SGCZ: variants seen among roughly 807,000 people sequenced by gnomAD.
SGCZ encodes the protein sarcoglycan zeta.
SGCZ carries 40 observed loss-of-function variants against 41.3 expected under a neutral mutation model. That is an observed-to-expected ratio of 0.97 (90% CI 0.75 to 1.26). SGCZ has a LOEUF of 1.26. Ranked by LOEUF, SGCZ falls within the 50% of genes most tolerant of loss-of-function variation. SGCZ has a pLI of 0.00. For synonymous variants in SGCZ, 206 were observed against 137.5 expected (o/e 1.50, Z -3.49); for missense variants, 552 against 369.8 (o/e 1.49, Z -4.04).
At chr8:14,309,004 T>C (rs1484852143) in intron 3 of SGCZ, 2 of 1,028,444 alleles carry the variant, frequency 1.9e-6, no homozygotes, top group African/African-American at 1.6e-5. Context: ...GCACCCGGCC[T>C]CAGCCTCACT....
At chr8:14,667,902 G>C (rs1001922525) in intron 1 of SGCZ, among the ~76,000 whole-genome samples, 1 of 152,074 alleles carries the variant, frequency 6.6e-6, no homozygotes, top group Non-Finnish European at 1.5e-5. Context: ...TAGATACCTA[G>C]AGTTTACAAA....
chr8:14,155,958 T>C lies in SGCZ; in HGVS notation c.547+8622A>G, dbSNP rs111565856. Among the ~76,000 whole-genome samples the C allele has an allele frequency of 7.0e-3, 1,063 of 152,224 alleles. 12 individuals are homozygous for C. Among genetic ancestry groups the C allele is most frequent in the African/African-American group, 0.023 (972 of 41,524 alleles). ...TGTAACACAATGTTAAGTATTCGTA[T>C]ATCTAAACACAGAAAAGGTACAGTA... On this transcript the variant is annotated intron_variant, in intron 5 of 7. Transcript: ENST00000382080.
At chr8:15,146,010 T>C (rs1445287630) in intron 1 of SGCZ, among the ~76,000 whole-genome samples, 1 of 152,150 alleles carries the variant, frequency 6.6e-6, no homozygotes, top group African/African-American at 2.4e-5. Flanking sequence ...CTATCTGCTG[T>C]AAGCATCCCT....
At chr8:14,991,734 C>G (rs575713530) in intron 1 of SGCZ, among the ~76,000 whole-genome samples, 2 of 148,492 alleles carry the variant, frequency 1.3e-5, no homozygotes, top group East Asian at 4.2e-4. Flanking sequence ...TCCCTTAATA[C>G]TTACCTCTCA....
chr8:14,261,691 A>C (rs1799673964), intron 3 of SGCZ, among the ~76,000 whole-genome samples: 1 of 152,188 alleles, frequency 6.6e-6, no homozygotes, highest in Non-Finnish European at 1.5e-5. Flanking sequence ...AGCAATGTAA[A>C]GCTGAACAAA....
chr8:15,059,934 T>TGG (rs1804855442), intron 1 of SGCZ, among the ~76,000 whole-genome samples: 3 of 152,186 alleles, frequency 2.0e-5, no homozygotes, highest in Non-Finnish European at 4.4e-5. Flanking sequence ...AGAGAGGCAA[T>TGG]GTGTTCTGGC....
intron 1 of SGCZ, among the ~76,000 whole-genome samples, chr8:15,131,372 T>A (rs566042963): frequency 6.6e-6 from 1 of 152,324 alleles, no homozygotes; most frequent in Admixed American, 6.5e-5. Flanking sequence ...ATGTGAGACA[T>A]GCCTTTCACT....
At chr8:14,319,710 C>T (rs187726096) in intron 3 of SGCZ, among the ~76,000 whole-genome samples, 1 of 151,884 alleles carries the variant, frequency 6.6e-6, no homozygotes, top group Non-Finnish European at 1.5e-5. Flanking sequence ...ATTTGCAGAA[C>T]TGAATGTAAA....
intron 4 of SGCZ, among the ~76,000 whole-genome samples, chr8:14,168,180 C>A (rs1474166402): frequency 6.6e-6 from 1 of 152,018 alleles, no homozygotes; most frequent in Non-Finnish European, 1.5e-5. Flanking sequence ...AAAATTTCCA[C>A]AAGGAAAACA....
At chr8:14,644,960 A>AAG (rs1807158113) in intron 1 of SGCZ, among the ~76,000 whole-genome samples, 1 of 151,034 alleles carries the variant, frequency 6.6e-6, no homozygotes, top group African/African-American at 2.4e-5. Flanking sequence ...ATAAAAAAAA[A>AAG]AAGTCTCCAA....
intron 1 of SGCZ, among the ~76,000 whole-genome samples, chr8:15,145,207 T>C (rs747390487): frequency 6.6e-5 from 10 of 152,210 alleles, no homozygotes; most frequent in Non-Finnish European, 1.5e-4. Flanking sequence ...CCATGTTCAT[T>C]ATACATTCTC....
In SGCZ at chr8:14,795,840, G is replaced by A. The variant is rs374993842; in HGVS notation, c.40-240914C>T. On this transcript the variant is annotated intron_variant, in intron 1 of 7. Transcript: ENST00000382080. ...TTCCTCCTCCCACCCTCCACCCTCC[G>A]AAAGATCCCAGTGTGTGTTGTTCCC... Among the ~76,000 whole-genome samples, 313 of 152,002 alleles carry A rather than the reference G, an allele frequency of 2.1e-3. 1 individual carries two copies. The highest frequency in any genetic ancestry group is 3.4e-3 in the Non-Finnish European group (229 of 67,956).
chr8:15,071,930 C>G (rs1175425156), intron 1 of SGCZ, among the ~76,000 whole-genome samples: 3 of 152,172 alleles, frequency 2.0e-5, no homozygotes, highest in African/African-American at 7.2e-5. Flanking sequence ...TAGTCAGAGG[C>G]AGACAACTTC....
intron 3 of SGCZ, among the ~76,000 whole-genome samples, chr8:14,283,976 T>C (rs952349589): frequency 1.3e-5 from 2 of 152,268 alleles, no homozygotes; most frequent in African/African-American, 4.8e-5. Flanking sequence ...TTTCAACTTT[T>C]GTTTTATATA....
At chr8:14,690,073 C>T (rs751857367) in intron 1 of SGCZ, among the ~76,000 whole-genome samples, 5 of 149,356 alleles carry the variant, frequency 3.3e-5, no homozygotes, top group South Asian at 4.2e-4. Flanking sequence ...GAGACAAATT[C>T]GTGCCACAAA....
At chr8:14,172,024 T>C (rs563680074) in intron 4 of SGCZ, among the ~76,000 whole-genome samples, 1 of 152,134 alleles carries the variant, frequency 6.6e-6, no homozygotes, top group Non-Finnish European at 1.5e-5. Flanking sequence ...ATGCTTAGAA[T>C]TGCTTGCTTT....
In SGCZ at chr8:14,251,909, A is replaced by C. The variant is rs985400332; in HGVS notation, c.337-14230T>G. 7.2e-5 allele frequency among the ~76,000 whole-genome samples: 11 copies of C among 152,046 alleles called. 1 individual carries two copies. The Middle Eastern group carries it at 0.02, about 282-fold the overall frequency. On this transcript the variant is annotated intron_variant, in intron 3 of 7. Coordinates refer to ENST00000382080, the MANE Select transcript of SGCZ (RefSeq NM_139167.4). ...ACTTTTAGTAGAGACGGGGTTTTGC[A>C]ATGTTGGCCAGGATGGTCTCGAACT...
Position 15,118,518 on chromosome 8 carries a change from T to C in SGCZ, c.39+119067A>G, listed in dbSNP as rs59035321. On this transcript the variant is annotated intron_variant, in intron 1 of 7. Coordinates refer to ENST00000382080, the MANE Select transcript of SGCZ (RefSeq NM_139167.4). ...TCCAGTCATTTCTTTTCTCCATCCT[T>C]CTAAGGAATGGGTTTATGTAAACCT... Among the ~76,000 whole-genome samples, 755 of 152,222 alleles carry C rather than the reference T, an allele frequency of 5.0e-3. 8 individuals carry two copies. Among genetic ancestry groups the C allele is most frequent in the African/African-American group, 0.018 (730 of 41,506 alleles).
chr8:14,716,333 C>T lies in SGCZ; in HGVS notation c.40-161407G>A, dbSNP rs189112947. On this transcript the variant is annotated intron_variant, in intron 1 of 7. Transcript: ENST00000382080. ...TGAACAATGAGAGCAAAATCATAAACTTCAAAATTTTTCCATGCGCACACA... is the reference window on the plus strand; with the variant it reads ...TGAACAATGAGAGCAAAATCATAAATTTCAAAATTTTTCCATGCGCACACA... Among the ~76,000 whole-genome samples, 624 of 152,054 alleles carry T rather than the reference C, an allele frequency of 4.1e-3. 3 individuals are homozygous for T. The highest frequency in any genetic ancestry group is 0.012 in the African/African-American group (487 of 41,504).
Sources: gnomAD v4.1 joint callset for allele counts (sites outside exome capture counted in the v4.1 genomes callset) on GRCh38, gnomAD v4.1.1 for gene constraint, MANE v1.5 for transcripts, NCBI Gene and HGNC (gene_info 2026-07-23, HGNC 2026-07-21) for gene names.